Variants in ITLN2 observed in about 807,000 individuals in gnomAD.
ITLN2 encodes intelectin-2.
Under a neutral mutation model 39.4 loss-of-function variants are expected in ITLN2, and 29 were observed. The observed-to-expected ratio is 0.74, with a 90% confidence interval of 0.55 to 1.00. The LOEUF is 1.00. Among genes scored for constraint, ITLN2 ranks in the 50% least tolerant of loss-of-function variants. ITLN2 has a pLI of 0.00. For synonymous variants in ITLN2, 156 were observed against 153.4 expected (o/e 1.02, Z -0.12); for missense variants, 412 against 416.7 (o/e 0.99, Z 0.10).
At chr1:160,954,319 C>A in intron 2 of ITLN2, 68 bp downstream of exon 2, 1 of 1,188,208 alleles carries the variant, frequency 8.4e-7, no homozygotes, top group South Asian at 1.4e-5. Context: ...CAGCTCTACT[C>A]CCTCCAGGCC....
intron 1 of ITLN2, 21 bp downstream of exon 1, chr1:160,954,706 G>A: frequency 6.2e-7 from 1 of 1,613,714 alleles, no homozygotes; most frequent in Non-Finnish European, 8.5e-7. Flanking sequence ...CACACACATG[G>A]ATCAAAAACA....
At chr1:160,954,211 G>A (rs1671812773) in intron 2 of ITLN2, among the ~76,000 whole-genome samples, 176 bp downstream of exon 2, 1 of 152,164 alleles carries the variant, frequency 6.6e-6, no homozygotes, top group African/African-American at 2.4e-5. Context: ...GGAGAGGCCA[G>A]AAATCAGCAC....
rs1279676850 is a variant in ITLN2, at chr1:160,945,160, C to CGG, written c.957_958insCC (p.Val320ProfsTer?). ...CTGTCTCATCTATAGAACAAGAGTA[C>CGG]AGCCGCCTCCGTTATCTCCCGACTG... On this transcript the variant is annotated frameshift_variant, in exon 8 of 8. Coordinates refer to ENST00000368029, the MANE Select transcript of ITLN2 (RefSeq NM_080878.3). LOFTEE classifies it high-confidence loss of function. 6 of 1,602,848 alleles carry CGG rather than the reference C, an allele frequency of 3.7e-6. No homozygotes were observed. Among genetic ancestry groups the CGG allele is most frequent in the Admixed American group, 1.8e-5 (1 of 56,304 alleles).
At chr1:160,950,891 T>C in intron 4 of ITLN2, 152 bp downstream of exon 4, 1 of 1,505,716 alleles carries the variant, frequency 6.6e-7, no homozygotes, top group Non-Finnish European at 9.1e-7. Context: ...AACAGCCTTG[T>C]TGAGAGGAAG....
chr1:160,952,157 C>T lies in ITLN2; in HGVS notation c.193+463G>A, dbSNP rs149922012. On this transcript the variant is annotated intron_variant, in intron 3 of 7. Coordinates refer to ENST00000368029, the MANE Select transcript of ITLN2 (RefSeq NM_080878.3). ...GCTATGTGAGTAATAAACTCTCTGG[C>T]TCTAAAAAGGGTTTGTTGTTTCCTT... 2.2e-3 allele frequency among the ~76,000 whole-genome samples: 331 copies of T among 152,282 alleles called. 1 individual carries two copies. The Middle Eastern group carries it at 0.024, about 11-fold the overall frequency.
At chr1:160,950,014 T>C in intron 6 of ITLN2, 32 bp downstream of exon 6, 2 of 1,597,442 alleles carry the variant, frequency 1.3e-6, no homozygotes, top group Non-Finnish European at 1.7e-6. Context: ...CAAGAAAATA[T>C]TTATGACTGG....
rs750788583 is a variant in ITLN2, at chr1:160,945,181, G to T, written c.937C>A (p.Arg313=). The change falls in exon 8 of 8, where the codon CGG becomes AGG. Residue 313 remains arginine, a synonymous_variant. Transcript: ENST00000368029. ...AGTACAGCCGCCTCCGTTATCTCCC[G>T]ACTGCAGCTGCTCTTAACGTGAGTT... is the stretch of plus-strand genomic sequence containing the variant. ...YGTHVKSSCS[R]EITEAAVLLF... is the part of the protein sequence containing the mutation. 1 of 1,605,982 alleles carries T rather than the reference G, an allele frequency of 6.2e-7. No individual in the cohort carries two copies. Among genetic ancestry groups the T allele is most frequent in the Non-Finnish European group, 8.5e-7 (1 of 1,177,826 alleles).
Position 160,945,400 on chromosome 1 carries a change from G to T in ITLN2, c.826-108C>A, listed in dbSNP as rs868590607. 2.2e-5 allele frequency: 22 copies of T among 1,008,204 alleles called. No individual in the cohort carries two copies. In the African/African-American group the frequency reaches 3.3e-4, roughly 15 times the overall value. The allele number at this position is 1,008,204 out of a possible 1,614,324, so 62.5% of individuals were successfully genotyped here. A position where few individuals can be genotyped will look rare whatever the true frequency, so the allele number is the denominator to read the frequency against. Reference sequence around the variant, plus strand: ...GACCTCAAGTTATCCGCCTGCCTCGGCCTCCCAAAGTGCTAGGATTACAGG... The same window carrying T: ...GACCTCAAGTTATCCGCCTGCCTCGTCCTCCCAAAGTGCTAGGATTACAGG... On this transcript the variant is annotated intron_variant, in intron 7 of 7. Coordinates refer to ENST00000368029, the MANE Select transcript of ITLN2 (RefSeq NM_080878.3).
At chr1:160,946,086 T>A (rs1435767458) in intron 7 of ITLN2, among the ~76,000 whole-genome samples, 2 of 151,512 alleles carry the variant, frequency 1.3e-5, no homozygotes, top group Non-Finnish European at 2.9e-5. Flanking sequence ...GTGGGCAGAT[T>A]GCCTGAGGTC....
intron 3 of ITLN2, 135 bp downstream of exon 3, chr1:160,952,485 T>C (rs1366167108): frequency 1.6e-6 from 1 of 618,398 alleles, no homozygotes; most frequent in East Asian, 2.8e-5. Context: ...AAATTCCCAC[T>C]AGAAACCTCC....
At chr1:160,953,424 G>T (rs1017521724) in intron 2 of ITLN2, among the ~76,000 whole-genome samples, 4 of 152,120 alleles carry the variant, frequency 2.6e-5, no homozygotes, top group African/African-American at 9.7e-5. Context: ...AAAATTACAG[G>T]ACTCAGGCCA....
intron 6 of ITLN2, chr1:160,948,518 T>C (rs1321272334): frequency 6.5e-6 from 1 of 152,998 alleles, no homozygotes; most frequent in Non-Finnish European, 1.5e-5. Flanking sequence ...TGTGCTCTTA[T>C]TATACTGAAA....
At chr1:160,954,363 C>T (rs1384546267) in intron 2 of ITLN2, 24 bp downstream of exon 2, 11 of 1,535,546 alleles carry the variant, frequency 7.2e-6, no homozygotes, top group Non-Finnish European at 9.7e-6. Flanking sequence ...GAAACTGCAG[C>T]TCCTACTCTC....
intron 6 of ITLN2, 174 bp downstream of exon 6, chr1:160,949,872 A>G (rs1211596856): frequency 4.9e-6 from 3 of 609,700 alleles, no homozygotes; most frequent in African/African-American, 3.7e-5. Context: ...TTCTAACTTC[A>G]TAGTTTTCTC....
At chr1:160,952,860 G>T in intron 2 of ITLN2, 127 bp from the exon 3 acceptor site, 1 of 664,008 alleles carries the variant, frequency 1.5e-6, no homozygotes, top group Non-Finnish European at 2.6e-6. Context: ...GATTCCCTAT[G>T]CTAAGACGGT....
intron 6 of ITLN2, chr1:160,948,853 G>C (rs1184750624): frequency 6.6e-6 from 1 of 152,194 alleles, no homozygotes; most frequent in Non-Finnish European, 1.5e-5. Context: ...CTCCACACCT[G>C]TGGGTGTTCC....
intron 1 of ITLN2, 73 bp downstream of exon 1, chr1:160,954,654 C>G: frequency 2.5e-6 from 4 of 1,569,528 alleles, no homozygotes; most frequent in Non-Finnish European, 2.6e-6. Flanking sequence ...CCCTGAAACT[C>G]TAAATCTCTA....
intron 2 of ITLN2, among the ~76,000 whole-genome samples, chr1:160,953,662 C>T (rs1469900553): frequency 6.6e-6 from 1 of 151,644 alleles, no homozygotes; most frequent in African/African-American, 2.4e-5. Context: ...AGTGAGCCGA[C>T]ATCACGCCAC....
At chr1:160,954,087 A>G (rs1671810445) in intron 2 of ITLN2, among the ~76,000 whole-genome samples, 1 of 152,192 alleles carries the variant, frequency 6.6e-6, no homozygotes, top group Non-Finnish European at 1.5e-5. Flanking sequence ...GCAGCTGAGC[A>G]GGGACACAGT....
Sources: allele counts gnomAD v4.1 joint callset (sites outside exome capture counted in the v4.1 genomes callset), GRCh38; gene constraint gnomAD v4.1.1; transcripts MANE v1.5; gene names NCBI Gene and HGNC (gene_info 2026-07-23, HGNC 2026-07-21).